Variants in EML5 observed in about 807,000 individuals in gnomAD.
EML5 encodes the protein echinoderm microtubule-associated protein-like 5.
Under a neutral mutation model 250.0 loss-of-function variants are expected in EML5, and 120 were observed. The observed-to-expected ratio is 0.48, with a 90% confidence interval of 0.41 to 0.56. The LOEUF (loss-of-function observed/expected upper bound fraction) is 0.56, where lower values mean the gene tolerates loss of function less well. EML5 is among the 20% of genes least tolerant of loss of function. The pLI is 0.00. For synonymous variants in EML5, 771 were observed against 806.5 expected, an observed-to-expected ratio of 0.96 and a Z score of 0.75; for missense variants, 2,006 against 2,437.6, an observed-to-expected ratio of 0.82 and a Z score of 3.73.
intron 7 of EML5, among the ~76,000 whole-genome samples, chr14:88,730,837 A>G (rs2093744664): frequency 6.6e-6 from 1 of 152,230 alleles, no homozygotes; most frequent in Non-Finnish European, 1.5e-5. Context: ...TATGTATAGA[A>G]AAAATGGCTT....
At chr14:88,689,032 T>C (rs2092901041) in intron 17 of EML5, among the ~76,000 whole-genome samples, 1 of 152,254 alleles carries the variant, frequency 6.6e-6, no homozygotes, top group South Asian at 2.1e-4. Context: ...TCACCAATGA[T>C]TTGTTATAGA....
intron 7 of EML5, among the ~76,000 whole-genome samples, chr14:88,728,436 C>T (rs908385103): frequency 3.9e-5 from 6 of 152,254 alleles, no homozygotes; most frequent in Admixed American, 3.9e-4. Flanking sequence ...ATCAATAACA[C>T]AAACAGTTGT....
chr14:88,739,990 C>A (rs920282355), intron 5 of EML5, among the ~76,000 whole-genome samples: 1 of 152,130 alleles, frequency 6.6e-6, no homozygotes, highest in Non-Finnish European at 1.5e-5. Flanking sequence ...AGAATTTAAA[C>A]AGCAGATTTC....
At position 88,622,707 on chromosome 14, in the gene EML5, C is replaced by T. The variant is rs371875356; in HGVS notation, c.4910G>A (p.Gly1637Glu). ...TGGKERPSKE[G>E]GAVKLWDQEL... ...CTGATCCCACAGTTTAACCGCTCCTCCTTCTTTTGACCTAAGTAAATAACC... is the reference window on the plus strand; with the variant it reads ...CTGATCCCACAGTTTAACCGCTCCTTCTTCTTTTGACCTAAGTAAATAACC... Residue 1637 changes from glycine to glutamate, a missense_variant, in exon 37 of 44, where the codon GGA (glycine) becomes GAA (glutamate). By Grantham distance (98) the Gly-to-Glu change is moderately conservative (BLOSUM62 -2). Transcript: ENST00000554922. The T allele has an allele frequency of 1.9e-6, 3 of 1,606,600 alleles. No individual in the cohort carries two copies. In the African/African-American group the frequency reaches 4.0e-5, roughly 22 times the overall value.
At chr14:88,635,304 A>G (rs567471172) in intron 32 of EML5, among the ~76,000 whole-genome samples, 11 of 152,320 alleles carry the variant, frequency 7.2e-5, no homozygotes, top group African/African-American at 2.4e-4. Flanking sequence ...GGAAAAACAG[A>G]ATAAAGTACT....
At chr14:88,657,023 C>T (rs1437157638) in intron 27 of EML5, among the ~76,000 whole-genome samples, 1 of 152,036 alleles carries the variant, frequency 6.6e-6, no homozygotes, top group Admixed American at 6.6e-5. Flanking sequence ...GACAGGGCCT[C>T]ATTCTGACAC....
Position 88,688,418 on chromosome 14 carries a change from T to C in EML5, c.2595A>G (p.Thr865=). 1.2e-6 allele frequency: 2 copies of C among 1,614,020 alleles called. No individual in the cohort carries two copies. The highest frequency in any genetic ancestry group is 1.7e-6 in the Non-Finnish European group (2 of 1,179,892). ...GYIGTLGKND[T]MMCAVYGWTE... The stretch of plus-strand genomic sequence containing the variant: ...TCCATCCATACACTGCACACATCAT[T>C]GTGTCATTTTTCCCCAGTGTGCCTA... The change falls in exon 18 of 44, where the codon ACA becomes ACG. Residue 865 remains threonine, a synonymous_variant. Coordinates refer to ENST00000554922, the MANE Select transcript of EML5 (RefSeq NM_183387.3).
rs774627271 is a variant in EML5 at position 88,738,876 on chromosome 14, T to A, written c.847+3A>T. On this transcript the variant is annotated splice_donor_region_variant and intron_variant, in intron 6 of 43. Coordinates refer to ENST00000554922, the MANE Select transcript of EML5 (RefSeq NM_183387.3). ...AGTAATAAGACATTTGTTTTGTTAT[T>A]ACCTTTGTATCCCTGGTCTGTTTCC... The A allele has an allele frequency of 6.4e-7, 1 of 1,559,186 alleles. No homozygotes were observed. Among genetic ancestry groups the A allele is most frequent in the East Asian group, 2.4e-5 (1 of 42,432 alleles).
At chr14:88,676,124 A>C (rs948667094) in intron 21 of EML5, among the ~76,000 whole-genome samples, 2 of 152,202 alleles carry the variant, frequency 1.3e-5, no homozygotes, top group African/African-American at 4.8e-5. Context: ...CCTGTTACCC[A>C]GTTTCAAAGT....
At chr14:88,723,618 T>A (rs2093622934) in intron 8 of EML5, among the ~76,000 whole-genome samples, 1 of 152,146 alleles carries the variant, frequency 6.6e-6, no homozygotes, top group Non-Finnish European at 1.5e-5. Flanking sequence ...CCTAAAGTGG[T>A]TAAGTATGTG....
At chr14:88,659,587 A>G (rs2092002576) in intron 25 of EML5, among the ~76,000 whole-genome samples, 1 of 152,194 alleles carries the variant, frequency 6.6e-6, no homozygotes, top group Non-Finnish European at 1.5e-5. Flanking sequence ...AGTTTCTCTA[A>G]GACTGTGTGG....
chr14:88,685,429 A>G (rs2092811207), intron 19 of EML5, among the ~76,000 whole-genome samples: 1 of 152,036 alleles, frequency 6.6e-6, no homozygotes. Flanking sequence ...TTCCTTATCC[A>G]TCTCCTGCCC....
In EML5 at chr14:88,688,421, G is replaced by A. The variant is rs369341061; in HGVS notation, c.2592C>T (p.Asp864=). 8.7e-6 allele frequency: 14 copies of A among 1,613,840 alleles called. No individual in the cohort carries two copies. In the African/African-American group the frequency reaches 1.7e-4, roughly 20 times the overall value. The change falls in exon 18 of 44, where the codon GAC becomes GAT. Residue 864 remains aspartate (D), a synonymous_variant. Transcript: ENST00000554922. ...ATCCATACACTGCACACATCATTGT[G>A]TCATTTTTCCCCAGTGTGCCTATGT... ...KGYIGTLGKN[D]TMMCAVYGWT...
intron 8 of EML5, among the ~76,000 whole-genome samples, chr14:88,716,732 A>AACAC (rs58701181): frequency 0.029 from 4,294 of 148,158 alleles, 67 homozygotes; most frequent in African/African-American, 0.046. Flanking sequence ...ACTGCTCACC[A>AACAC]ACACACACAC....
At chr14:88,772,017 A>G (rs1041590924) in intron 1 of EML5, among the ~76,000 whole-genome samples, 2 of 152,210 alleles carry the variant, frequency 1.3e-5, no homozygotes, top group African/African-American at 4.8e-5. Flanking sequence ...CACAATGGAT[A>G]CATTCCTCAA....
chr14:88,727,796 C>T (rs75293940), intron 7 of EML5, among the ~76,000 whole-genome samples: 1,564 of 152,116 alleles, frequency 0.01, 25 homozygotes, highest in African/African-American at 0.036. Flanking sequence ...TGTGTAGACA[C>T]ACATATGTAT....
chr14:88,617,034 C>T, intron 41 of EML5, 155 bp from the exon 42 acceptor site: 1 of 551,782 alleles, frequency 1.8e-6, no homozygotes, highest in Non-Finnish European at 3.1e-6. Context: ...ACCTGAATTT[C>T]ATCAGGATAT....
At chr14:88,706,039 T>C (rs1182790250) in intron 11 of EML5, among the ~76,000 whole-genome samples, 1 of 152,206 alleles carries the variant, frequency 6.6e-6, no homozygotes, top group Non-Finnish European at 1.5e-5. Context: ...CACTCATTAT[T>C]TGATAGATTA....
At chr14:88,643,176 A>T (rs2091164460) in intron 30 of EML5, among the ~76,000 whole-genome samples, 154 bp from the exon 31 acceptor site, 1 of 152,182 alleles carries the variant, frequency 6.6e-6, no homozygotes, top group South Asian at 2.1e-4. Flanking sequence ...TAAGCTACTC[A>T]TACTTCTTTA....
Sources: gnomAD v4.1 joint callset for allele counts (sites outside exome capture counted in the v4.1 genomes callset) on GRCh38, gnomAD v4.1.1 for gene constraint, MANE v1.5 for transcripts, NCBI Gene and HGNC (gene_info 2026-07-23, HGNC 2026-07-21) for gene names.